Variants in PTPRN2 observed in about 807,000 individuals in gnomAD.
PTPRN2 encodes the protein receptor-type tyrosine-protein phosphatase N2.
PTPRN2 carries 74 observed loss-of-function variants against 118.8 expected under a neutral mutation model. The observed-to-expected ratio is 0.62, with a 90% CI of 0.52 to 0.76. The LOEUF is 0.76. Among genes scored for constraint, PTPRN2 ranks in the 30% least tolerant of loss-of-function variants. PTPRN2 has a pLI of 0.00. For synonymous variants in PTPRN2, 641 were observed against 608.0 expected (o/e 1.05, Z -0.80); for missense variants, 1,481 against 1,394.4 (o/e 1.06, Z -0.99).
At chr7:158,026,579 C>T (rs546003903) in intron 11 of PTPRN2, among the ~76,000 whole-genome samples, 1 of 152,344 alleles carries the variant, frequency 6.6e-6, no homozygotes, top group South Asian at 2.1e-4. Context: ...TAATCATACA[C>T]TAAAACAACT....
At chr7:158,554,700 G>A (rs943474601) in intron 1 of PTPRN2, among the ~76,000 whole-genome samples, 2 of 152,196 alleles carry the variant, frequency 1.3e-5, no homozygotes, top group Non-Finnish European at 2.9e-5. Flanking sequence ...GGAGTGGGAT[G>A]TGGGGTTCTT....
chr7:157,630,395 G>A (rs1803865398), intron 14 of PTPRN2, among the ~76,000 whole-genome samples: 1 of 152,112 alleles, frequency 6.6e-6, no homozygotes, highest in Admixed American at 6.5e-5. Flanking sequence ...CAGGAATCCC[G>A]ACCCATACGA....
intron 11 of PTPRN2, among the ~76,000 whole-genome samples, chr7:157,916,488 G>A (rs1798403541): frequency 6.6e-6 from 1 of 152,254 alleles, no homozygotes; most frequent in South Asian, 2.1e-4. Flanking sequence ...CTAATTACCT[G>A]TAATCCATAA....
At chr7:158,566,688 A>C (rs1007389292) in intron 1 of PTPRN2, among the ~76,000 whole-genome samples, 2 of 151,996 alleles carry the variant, frequency 1.3e-5, no homozygotes, top group African/African-American at 4.8e-5. Context: ...GTAATAAAAG[A>C]TTGTTAAAGT....
intron 9 of PTPRN2, among the ~76,000 whole-genome samples, chr7:158,129,314 T>G (rs959172608): frequency 7.7e-6 from 1 of 129,478 alleles, no homozygotes; most frequent in Non-Finnish European, 1.6e-5. Flanking sequence ...CACCACACAC[T>G]ACACACATAC....
At position 158,273,570 on chromosome 7, in the gene PTPRN2, AC is replaced by A. The variant is rs1417464575; in HGVS notation, c.277+43248del. ...CGCAGACACAGGGGGAGCCGCAGGC[AC>A]AGGGGGAGCCGCAGACAGACATGGG... On this transcript the variant is annotated intron_variant, in intron 3 of 22. Coordinates refer to ENST00000389418, the MANE Select transcript of PTPRN2 (RefSeq NM_002847.5). Among the ~76,000 whole-genome samples the A allele has an allele frequency of 9.8e-3, 553 of 56,284 alleles. 88 individuals carry two copies. Among genetic ancestry groups the A allele is most frequent in the African/African-American group, 0.059 (503 of 8,478 alleles). 36.9% of individuals were successfully genotyped at this position (56,284 alleles called of 152,430 possible).
intron 12 of PTPRN2, among the ~76,000 whole-genome samples, chr7:157,718,768 C>T (rs1380791315): frequency 6.6e-6 from 1 of 152,076 alleles, no homozygotes; most frequent in Non-Finnish European, 1.5e-5. Context: ...CGGGGTGAGT[C>T]TCAGCACGTC....
Position 157,801,008 on chromosome 7 carries a change from T to C in PTPRN2, c.1788+97665A>G, listed in dbSNP as rs1805250682. Among the ~76,000 whole-genome samples, 1 of 150,718 alleles carries C rather than the reference T, an allele frequency of 6.6e-6. No individual in the cohort carries two copies. Among genetic ancestry groups the C allele is most frequent in the African/African-American group, 2.4e-5 (1 of 40,904 alleles). ...ACACACACATATATATACACACATA[T>C]ACATATACACACACATATATATACA... On this transcript the variant is annotated intron_variant, in intron 12 of 22. Coordinates refer to ENST00000389418, the MANE Select transcript of PTPRN2 (RefSeq NM_002847.5). The surrounding 1 kb of genome is among the most constrained non-coding windows in gnomAD (Gnocchi z 4.2).
In PTPRN2 at chr7:157,846,207, G is replaced by T. The variant is rs565930748; in HGVS notation, c.1788+52466C>A. On this transcript the variant is annotated intron_variant, in intron 12 of 22. Coordinates refer to ENST00000389418, the MANE Select transcript of PTPRN2 (RefSeq NM_002847.5). Reference sequence around the variant, plus strand: ...ATATTCTAGGAAGAAAAGCGGGGGTGGGAGTCACCAAAACAAGTCTTCTGA... The same window carrying T: ...ATATTCTAGGAAGAAAAGCGGGGGTTGGAGTCACCAAAACAAGTCTTCTGA... Among the ~76,000 whole-genome samples the T allele has an allele frequency of 1.1e-4, 16 of 152,204 alleles. No homozygotes were observed. The South Asian group carries it at 3.3e-3, about 32-fold the overall frequency.
intron 12 of PTPRN2, among the ~76,000 whole-genome samples, chr7:157,897,684 C>T (rs1215567051): frequency 1.3e-5 from 2 of 152,252 alleles, no homozygotes; most frequent in African/African-American, 4.8e-5. Flanking sequence ...GCAAGAACCT[C>T]TGTTTGGGAA....
intron 14 of PTPRN2, among the ~76,000 whole-genome samples, chr7:157,640,515 G>A (rs1008103204): frequency 1.3e-5 from 2 of 152,220 alleles, no homozygotes; most frequent in South Asian, 2.1e-4. Flanking sequence ...AGGATTAGCT[G>A]GAGAAAGGAA....
At chr7:158,199,827 G>C (rs1240909880) in intron 4 of PTPRN2, among the ~76,000 whole-genome samples, 1 of 152,148 alleles carries the variant, frequency 6.6e-6, no homozygotes, top group Admixed American at 6.5e-5. Context: ...GGGGAGCCTG[G>C]TTAGAAGCAG....
intron 14 of PTPRN2, among the ~76,000 whole-genome samples, chr7:157,624,421 C>CA (rs60314148): frequency 0.024 from 3,334 of 137,108 alleles, 108 homozygotes; most frequent in African/African-American, 0.079. Flanking sequence ...AACTCCGTCT[C>CA]AAAAAAAAAA....
chr7:158,405,846 T>C (rs996239396), intron 2 of PTPRN2, among the ~76,000 whole-genome samples: 8 of 148,470 alleles, frequency 5.4e-5, no homozygotes, highest in Admixed American at 5.3e-4. Context: ...GGCCACACAC[T>C]GAGATCCCGC....
At chr7:157,691,812 C>A (rs1295953581) in intron 12 of PTPRN2, among the ~76,000 whole-genome samples, 2 of 152,174 alleles carry the variant, frequency 1.3e-5, no homozygotes, top group East Asian at 1.9e-4. Context: ...AGGCCCGCAG[C>A]GGGCGAGAAG....
chr7:157,601,922 T>C (rs149899476), intron 16 of PTPRN2, among the ~76,000 whole-genome samples: 65 of 152,312 alleles, frequency 4.3e-4, no homozygotes, highest in Admixed American at 3.1e-3. Flanking sequence ...CTGCACATAG[T>C]ACAGGAACGG....
chr7:158,063,133 A>G (rs1810483766), intron 11 of PTPRN2, among the ~76,000 whole-genome samples: 1 of 152,228 alleles, frequency 6.6e-6, no homozygotes, highest in African/African-American at 2.4e-5. Context: ...AAATACACCA[A>G]TCAGCACTCT....
intron 2 of PTPRN2, among the ~76,000 whole-genome samples, chr7:158,414,673 A>T (rs960388814): frequency 1.3e-5 from 2 of 152,220 alleles, no homozygotes; most frequent in African/African-American, 4.8e-5. Context: ...GATCTGGCAT[A>T]ATTGCCGGCA....
intron 3 of PTPRN2, among the ~76,000 whole-genome samples, chr7:158,294,291 T>C (rs905336635): frequency 2.6e-5 from 4 of 152,192 alleles, no homozygotes; most frequent in African/African-American, 7.2e-5. Flanking sequence ...TACAAGAATA[T>C]CTAAGGACCT....
Sources: allele counts gnomAD v4.1 joint callset (sites outside exome capture counted in the v4.1 genomes callset), GRCh38; gene constraint gnomAD v4.1.1; non-coding constraint Gnocchi (gnomAD v3.1); transcripts MANE v1.5; gene names NCBI Gene and HGNC (gene_info 2026-07-23, HGNC 2026-07-21).